The following SFI1 variants were observed in gnomAD, a reference collection of about 807,000 sequenced individuals.
SFI1 encodes protein SFI1 homolog.
A neutral mutation model predicts 207.5 loss-of-function variants in SFI1; 195 were observed. The ratio of observed to expected loss-of-function variants is 0.94; its 90% CI spans 0.84 to 1.06. The LOEUF (loss-of-function observed/expected upper bound fraction) is 1.06. SFI1 is among the 50% of genes least tolerant of loss of function. SFI1 has a pLI of 0.00. For synonymous variants in SFI1, 630 were observed against 598.9 expected (o/e 1.05, Z -0.76); for missense variants, 1,634 against 1,588.0 (o/e 1.03, Z -0.49).
At position 31,542,128 on chromosome 22, in the gene SFI1, A is replaced by G. The variant is rs140343626; in HGVS notation, c.339-4733A>G. On this transcript the variant is annotated intron_variant, in intron 4 of 32. Transcript: ENST00000400288. ...AAAAAAAAAAAAAAAAAAGAAATGT[A>G]CAGTTTAGGAGCCAGTCTCCTATAA... Among the ~76,000 whole-genome samples the G allele has an allele frequency of 6.5e-3, 925 of 143,184 alleles. 16 individuals are homozygous for G. The highest frequency in any genetic ancestry group is 0.022 in the African/African-American group (869 of 39,362). 93.9% of individuals were successfully genotyped at this position (143,184 alleles called of 152,430 possible). A position where few individuals can be genotyped will look rare whatever the true frequency, so the allele number is the denominator to read the frequency against.
chr22:31,585,179 T>G, intron 14 of SFI1, 45 bp downstream of exon 14: 1 of 1,513,534 alleles, frequency 6.6e-7, no homozygotes, highest in Non-Finnish European at 9.2e-7. Context: ...CTTACATTCT[T>G]GGACCCATTT....
At chr22:31,559,879 C>T in intron 7 of SFI1, 1 of 662,392 alleles carries the variant, frequency 1.5e-6, no homozygotes, top group Non-Finnish European at 2.8e-6. Context: ...GTGTCCGAGG[C>T]CAGCACACCA....
intron 15 of SFI1, among the ~76,000 whole-genome samples, chr22:31,595,322 A>C (rs1041818554): frequency 6.6e-6 from 1 of 152,200 alleles, no homozygotes; most frequent in African/African-American, 2.4e-5. Flanking sequence ...TTAATCACTA[A>C]CTGTATGTCT....
In SFI1 at chr22:31,617,029, G is replaced by A; in HGVS notation, c.3463G>A (p.Glu1155Lys). 6.2e-7 allele frequency: 1 copy of A among 1,614,048 alleles called. No individual in the cohort carries two copies. The highest frequency in any genetic ancestry group is 1.1e-5 in the South Asian group (1 of 91,076). Residue 1155 changes from glutamate (E) to lysine (K), a missense_variant, in exon 31 of 33, where the codon GAG becomes AAG. Physicochemically the swap from Glu to Lys is moderately conservative, Grantham distance 56. Transcript: ENST00000400288. ...GSLDLEAELE[E>K]IQQQLLHYQT... ...CCTGGACCTTGAGGCTGAACTTGAG[G>A]AGATCCAGCAGCAACTACTGCACTA...
At chr22:31,612,398 A>ATATATATAT (rs1411274365) in intron 24 of SFI1, 3 of 60,188 alleles carry the variant, frequency 5.0e-5, no homozygotes, top group African/African-American at 2.0e-4. Context: ...AAAAAAAAAA[A>ATATATATAT]ATATATATAT....
At chr22:31,559,349 C>A in intron 7 of SFI1, 1 of 230,432 alleles carries the variant, frequency 4.3e-6, no homozygotes, top group Non-Finnish European at 8.6e-6. Context: ...CTTGAACAAA[C>A]AAGGCAGACG....
Position 31,615,331 on chromosome 22 carries a change from C to T in SFI1, c.3300+52C>T, listed in dbSNP as rs2071236083. On this transcript the variant is annotated intron_variant, in intron 29 of 32. Coordinates refer to ENST00000400288, the MANE Select transcript of SFI1 (RefSeq NM_001007467.3). ...CACTGGGGCTCTCACTCTGGTCTGA[C>T]TTCTGGTGCTTTCTCATGCCACAGC... 5 of 1,386,616 alleles carry T rather than the reference C, an allele frequency of 3.6e-6. No individual in the cohort carries two copies. The South Asian group carries it at 6.5e-5, about 18-fold the overall frequency. The allele number at this position is 1,386,616 out of a possible 1,614,324, so 85.9% of individuals were successfully genotyped here.
chr22:31,540,629 G>A (rs1236775465), intron 4 of SFI1, among the ~76,000 whole-genome samples: 1 of 150,012 alleles, frequency 6.7e-6, no homozygotes, highest in African/African-American at 2.5e-5. Context: ...TACCCAGGCT[G>A]GAGTGCAATG....
chr22:31,511,468 T>TTTTG (rs1477972720), intron 2 of SFI1, among the ~76,000 whole-genome samples: 1 of 46,006 alleles, frequency 2.2e-5, no homozygotes, highest in Non-Finnish European at 5.6e-5. Flanking sequence ...GTTTCTGTTT[T>TTTTG]TTTTTTTTTT....
intron 30 of SFI1, 52 bp downstream of exon 30, chr22:31,616,929 C>A: frequency 6.2e-7 from 1 of 1,612,376 alleles, no homozygotes; most frequent in Non-Finnish European, 8.5e-7. Context: ...ACTCCCGGAC[C>A]TGGGACTTGC....
chr22:31,543,459 TA>T (rs1278847517), intron 4 of SFI1, among the ~76,000 whole-genome samples: 1 of 152,138 alleles, frequency 6.6e-6, no homozygotes, highest in Non-Finnish European at 1.5e-5. Flanking sequence ...TTATTATTAT[TA>T]TAAGCAATAG....
intron 4 of SFI1, among the ~76,000 whole-genome samples, chr22:31,542,557 G>A (rs1044462090): frequency 2.0e-5 from 3 of 152,102 alleles, no homozygotes; most frequent in Non-Finnish European, 4.4e-5. Flanking sequence ...GAACCCGGGA[G>A]GCGGAGGTTG....
chr22:31,575,112 G>T (rs2063345337), intron 9 of SFI1, 119 bp from the exon 10 acceptor site: 1 of 577,656 alleles, frequency 1.7e-6, no homozygotes, highest in South Asian at 2.4e-5. Flanking sequence ...GTGTGTGTGT[G>T]TGTGTGTGTG....
chr22:31,587,622 T>TAAATATACATTTATATTTATATACC (rs2065214754), intron 14 of SFI1: 1 of 157,468 alleles, frequency 6.4e-6, no homozygotes, highest in Non-Finnish European at 1.4e-5. Context: ...CCATTTTATA[T>TAAATATACATTTATATTTATATACC]AAGATACTTG....
chr22:31,618,402 G>T lies in SFI1; in HGVS notation c.3713G>T (p.Arg1238Leu). 1 of 1,594,940 alleles carries T rather than the reference G, an allele frequency of 6.3e-7. No homozygotes were observed. Among genetic ancestry groups the T allele is most frequent in the Non-Finnish European group, 8.6e-7 (1 of 1,168,930 alleles). ...TGCGTTGCCCGCATCCAGGCCCTGC[G>T]GCAGGCCCTGTGCTAGCGTGTTCGC... ...GACVARIQAL[R>L]QALC is the part of the protein sequence containing the mutation. The change falls in exon 33 of 33, where the codon CGG (arginine) becomes CTG (leucine). Residue 1238 changes from arginine to leucine, a missense_variant. Transcript: ENST00000400288.
chr22:31,519,717 C>T (rs1293062632), intron 2 of SFI1, among the ~76,000 whole-genome samples: 2 of 151,872 alleles, frequency 1.3e-5, no homozygotes, highest in Admixed American at 6.6e-5. Flanking sequence ...GGATTACAGC[C>T]GTGAGCCACT....
In SFI1 at chr22:31,616,837, C is replaced by T. The variant is rs943181311; in HGVS notation, c.3393C>T (p.Asp1131=). 1.2e-6 allele frequency: 2 copies of T among 1,612,904 alleles called. No individual in the cohort carries two copies. Among genetic ancestry groups the T allele is most frequent in the Non-Finnish European group, 1.7e-6 (2 of 1,179,446 alleles). Residue 1131 remains aspartate, a synonymous_variant, in exon 30 of 33, where the codon GAC becomes GAT. Transcript: ENST00000400288. ...ACCCCCATCTACTCCTTCCTGGGGA[C>T]TTCTCAGCCACCAGGGCTGGGCCTG... is the stretch of plus-strand genomic sequence containing the variant. The part of the protein sequence containing the change: ...VPDPHLLLPG[D]FSATRAGPGL...
At chr22:31,562,181 A>G (rs769358932) in intron 8 of SFI1, among the ~76,000 whole-genome samples, 16 of 152,096 alleles carry the variant, frequency 1.1e-4, no homozygotes, top group Non-Finnish European at 1.8e-4. Flanking sequence ...TGCTACACTC[A>G]TTCATTTATA....
intron 4 of SFI1, among the ~76,000 whole-genome samples, chr22:31,543,607 C>G (rs117980810): frequency 0.014 from 2,163 of 151,918 alleles, 18 homozygotes; most frequent in South Asian, 0.026. Flanking sequence ...CTCAGGAGTT[C>G]GAGACCAGCC....
Sources: gnomAD v4.1 joint callset for allele counts (sites outside exome capture counted in the v4.1 genomes callset) on GRCh38, gnomAD v4.1.1 for gene constraint, MANE v1.5 for transcripts, NCBI Gene and HGNC (gene_info 2026-07-23, HGNC 2026-07-21) for gene names.